IQCM: variants seen among roughly 807,000 people sequenced by gnomAD.
IQCM encodes IQ motif containing M, also known as IQ domain-containing protein M.
A neutral mutation model predicts 57.6 loss-of-function variants in IQCM; 45 were observed. The observed-to-expected ratio is 0.78, with a 90% CI of 0.62 to 1.00. The LOEUF is 1.00. Among genes scored for constraint, IQCM ranks in the 50% least tolerant of loss-of-function variants. The pLI is 0.00. For synonymous variants in IQCM, 148 were observed against 158.9 expected (o/e 0.93, Z 0.51); for missense variants, 468 against 511.6 (o/e 0.91, Z 0.82).
intron 2 of IQCM, among the ~76,000 whole-genome samples, chr4:149,796,389 C>A (rs1157482273): frequency 6.6e-6 from 1 of 152,182 alleles, no homozygotes; most frequent in Non-Finnish European, 1.5e-5. Flanking sequence ...CCAGCTCAGC[C>A]TCAGTACAGT....
At chr4:149,763,297 A>G (rs1459386544) in intron 2 of IQCM, among the ~76,000 whole-genome samples, 1 of 152,098 alleles carries the variant, frequency 6.6e-6, no homozygotes, top group South Asian at 2.1e-4. Flanking sequence ...AAAGATGGAC[A>G]AGCAGATCCC....
intron 8 of IQCM, among the ~76,000 whole-genome samples, chr4:149,592,721 C>A (rs1292836776): frequency 6.6e-6 from 1 of 151,986 alleles, no homozygotes; most frequent in South Asian, 2.1e-4. Flanking sequence ...GGAATCCTTT[C>A]CCCATTTCTT....
intron 2 of IQCM, chr4:149,790,081 T>A (rs771603161): frequency 1.6e-6 from 1 of 634,662 alleles, no homozygotes; most frequent in Non-Finnish European, 2.5e-6. Flanking sequence ...GAACTTCATC[T>A]GCAGCATCCT....
chr4:149,565,762 G>A (rs1214209779), intron 9 of IQCM, among the ~76,000 whole-genome samples: 1 of 152,030 alleles, frequency 6.6e-6, no homozygotes, highest in Non-Finnish European at 1.5e-5. Context: ...GTATAACTGA[G>A]GCTGCTAGTT....
At chr4:149,618,274 G>T (rs1038544976) in intron 8 of IQCM, among the ~76,000 whole-genome samples, 1 of 152,234 alleles carries the variant, frequency 6.6e-6, no homozygotes, top group Non-Finnish European at 1.5e-5. Flanking sequence ...TTCAAGAAAT[G>T]GTGCTGGTAA....
intron 2 of IQCM, among the ~76,000 whole-genome samples, chr4:149,764,198 C>T (rs1284092749): frequency 2.0e-5 from 3 of 152,104 alleles, no homozygotes; most frequent in East Asian, 1.9e-4. Flanking sequence ...TCTTATTTCA[C>T]CCCCAAGCAC....
At chr4:149,374,604 G>T (rs1730579973) in intron 13 of IQCM, among the ~76,000 whole-genome samples, 1 of 152,054 alleles carries the variant, frequency 6.6e-6, no homozygotes, top group Non-Finnish European at 1.5e-5. Context: ...AGAAATTCTA[G>T]AAATAGAATG....
intron 12 of IQCM, among the ~76,000 whole-genome samples, chr4:149,536,624 T>C (rs1168297797): frequency 1.3e-5 from 2 of 152,028 alleles, no homozygotes; most frequent in Admixed American, 1.3e-4. Context: ...TTTGTATGTC[T>C]CTCCAGTTAT....
rs183834889 is a variant in IQCM, at chr4:149,670,909, G to C, written c.565+11209C>G. On this transcript the variant is annotated intron_variant, in intron 7 of 13. Transcript: ENST00000636793. The stretch of plus-strand genomic sequence containing the variant: ...TTTTACTGAGGATTTTTACATCAAT[G>C]TTCATCAGGGATATTGGTCTAAAAT... 2.2e-3 allele frequency among the ~76,000 whole-genome samples: 325 copies of C among 150,570 alleles called. 1 individual carries two copies. Among genetic ancestry groups the C allele is most frequent in the Non-Finnish European group, 3.2e-3 (216 of 67,748 alleles).
chr4:149,625,703 T>C (rs1355125408), intron 7 of IQCM, among the ~76,000 whole-genome samples: 1 of 152,136 alleles, frequency 6.6e-6, no homozygotes, highest in African/African-American at 2.4e-5. Context: ...CCGGGTTTTA[T>C]TGCTAGCTTT....
intron 12 of IQCM, among the ~76,000 whole-genome samples, chr4:149,513,083 G>C (rs910920065): frequency 2.0e-5 from 3 of 152,164 alleles, no homozygotes; most frequent in Non-Finnish European, 2.9e-5. Context: ...AAAGCCTAAA[G>C]TTAGCAGAGA....
chr4:149,765,513 C>T (rs1769958961), intron 2 of IQCM, among the ~76,000 whole-genome samples: 2 of 152,108 alleles, frequency 1.3e-5, no homozygotes, highest in Middle Eastern at 3.4e-3. Flanking sequence ...ATTATAGTTT[C>T]ACTTTAAAGC....
At chr4:149,597,737 AAGAC>A (rs1374529750) in intron 8 of IQCM, among the ~76,000 whole-genome samples, 2 of 152,192 alleles carry the variant, frequency 1.3e-5, no homozygotes, top group Admixed American at 1.3e-4. Context: ...GAAATTATAG[AAGAC>A]AGACAGTATT....
intron 5 of IQCM, among the ~76,000 whole-genome samples, chr4:149,694,813 C>T (rs985166099): frequency 6.6e-6 from 1 of 152,158 alleles, no homozygotes; most frequent in Admixed American, 6.5e-5. Flanking sequence ...CTACACAAAA[C>T]TTACTACTGT....
At chr4:149,357,624 A>T (rs1441419294) in intron 13 of IQCM, among the ~76,000 whole-genome samples, 1 of 152,138 alleles carries the variant, frequency 6.6e-6, no homozygotes, top group Non-Finnish European at 1.5e-5. Flanking sequence ...AAGCTTTTTG[A>T]TGCGTTGCTG....
chr4:149,565,491 C>T (rs989504398), intron 9 of IQCM, among the ~76,000 whole-genome samples: 6 of 152,118 alleles, frequency 3.9e-5, no homozygotes, highest in African/African-American at 1.4e-4. Context: ...GTACTATCTC[C>T]TGATATTCTC....
At chr4:149,690,568 T>C (rs1762873590) in intron 5 of IQCM, among the ~76,000 whole-genome samples, 1 of 151,948 alleles carries the variant, frequency 6.6e-6, no homozygotes, top group African/African-American at 2.4e-5. Context: ...CAATAACATA[T>C]AGAAAAAGTA....
intron 12 of IQCM, among the ~76,000 whole-genome samples, chr4:149,435,786 G>C (rs1735304822): frequency 6.6e-6 from 1 of 150,382 alleles, no homozygotes; most frequent in Admixed American, 6.6e-5. Flanking sequence ...TTTGTAATAA[G>C]AAGCTAAAAA....
In IQCM at chr4:149,381,700, C is replaced by T. The variant is rs1290324801; in HGVS notation, c.1391-29634G>A. Among the ~76,000 whole-genome samples the T allele has an allele frequency of 3.9e-5, 6 of 151,916 alleles. No homozygotes were observed. The Middle Eastern group carries it at 0.014, about 344-fold the overall frequency. ...CCTACCCCTAGGATGCCCTATCCCT[C>T]TTCTAGCTCTTTCCCCCATAGTATG... On this transcript the variant is annotated intron_variant, in intron 13 of 13. Coordinates refer to ENST00000636793, the MANE Select transcript of IQCM (RefSeq NM_001363507.2).
Sources: gnomAD v4.1 joint callset for allele counts (sites outside exome capture counted in the v4.1 genomes callset) on GRCh38, gnomAD v4.1.1 for gene constraint, MANE v1.5 for transcripts, NCBI Gene and HGNC (gene_info 2026-07-23, HGNC 2026-07-21) for gene names.